Variants in GPC5 observed in about 807,000 individuals in gnomAD.
GPC5 encodes glypican-5.
Under a neutral mutation model 53.9 loss-of-function variants are expected in GPC5, and 47 were observed. That is an observed-to-expected ratio of 0.87 (90% CI 0.69 to 1.11). The LOEUF (loss-of-function observed/expected upper bound fraction) is 1.11. GPC5 is among the 50% of genes most tolerant of loss of function. The probability of loss-of-function intolerance (pLI) is 0.00; values close to 1 mark genes in which losing one functional copy is unlikely to be tolerated. For missense variants in GPC5, 748 were observed against 713.1 expected, an observed-to-expected ratio of 1.05 and a Z score of -0.56; for synonymous variants, 286 against 263.3, an observed-to-expected ratio of 1.09 and a Z score of -0.84.
intron 5 of GPC5, among the ~76,000 whole-genome samples, chr13:91,758,679 T>A (rs994165663): frequency 2.4e-4 from 36 of 152,144 alleles, no homozygotes; most frequent in African/African-American, 8.2e-4. Context: ...ATGAAAACCG[T>A]CCACATTTCT....
chr13:92,748,676 A>C (rs1889303132), intron 7 of GPC5, among the ~76,000 whole-genome samples: 1 of 152,062 alleles, frequency 6.6e-6, no homozygotes, highest in Admixed American at 6.6e-5. Flanking sequence ...AACATATACA[A>C]ATAGTTGTTT....
intron 2 of GPC5, among the ~76,000 whole-genome samples, chr13:91,611,265 T>G (rs1008109377): frequency 6.6e-6 from 1 of 152,234 alleles, no homozygotes; most frequent in Admixed American, 6.5e-5. Flanking sequence ...AAACATCTTT[T>G]CTGTATGAAT....
intron 7 of GPC5, among the ~76,000 whole-genome samples, chr13:92,801,807 A>C (rs1876918265): frequency 6.6e-6 from 1 of 151,766 alleles, no homozygotes; most frequent in Non-Finnish European, 1.5e-5. Context: ...TTAATAGAAA[A>C]AATTTCATTG....
intron 6 of GPC5, among the ~76,000 whole-genome samples, chr13:92,034,496 C>T (rs2040877822): frequency 1.3e-5 from 2 of 151,798 alleles, no homozygotes; most frequent in African/African-American, 4.8e-5. Context: ...GAAACTCCAT[C>T]TCAAAATAAA....
chr13:91,803,249 T>C (rs1315049497), intron 5 of GPC5, among the ~76,000 whole-genome samples: 1 of 152,182 alleles, frequency 6.6e-6, no homozygotes, highest in Non-Finnish European at 1.5e-5. Flanking sequence ...ATTTCTAAAA[T>C]GAAAATAGTT....
At chr13:91,728,337 C>G (rs942536132) in intron 3 of GPC5, among the ~76,000 whole-genome samples, 195 bp from the exon 4 acceptor site, 10 of 152,066 alleles carry the variant, frequency 6.6e-5, no homozygotes, top group Non-Finnish European at 1.3e-4. Context: ...ATCCATTTAT[C>G]ATAATTGCCG....
chr13:92,166,505 AC>A (rs1412324204), intron 7 of GPC5, among the ~76,000 whole-genome samples: 1 of 151,854 alleles, frequency 6.6e-6, no homozygotes, highest in African/African-American at 2.4e-5. Flanking sequence ...TAGTACATAA[AC>A]CCATCAGATA....
rs1338263577 is a variant in GPC5 at position 92,073,781 on chromosome 13, G to A, written c.1402-71049G>A. On this transcript the variant is annotated intron_variant, in intron 6 of 7. Transcript: ENST00000377067. Reference sequence around the variant, plus strand: ...GTCAGTTGTAGCCCTGTATGGTTTCGCTGTGTCCCCACCTAAATCGCATCT... The same window carrying A: ...GTCAGTTGTAGCCCTGTATGGTTTCACTGTGTCCCCACCTAAATCGCATCT... 4.6e-5 allele frequency among the ~76,000 whole-genome samples: 7 copies of A among 152,066 alleles called. No individual in the cohort carries two copies. In the East Asian group the frequency reaches 9.6e-4, roughly 21 times the overall value.
At chr13:92,033,689 T>C (rs1317571443) in intron 6 of GPC5, among the ~76,000 whole-genome samples, 1 of 152,226 alleles carries the variant, frequency 6.6e-6, no homozygotes, top group Admixed American at 6.5e-5. Flanking sequence ...AGAGTAAATT[T>C]AATTAAGTTA....
chr13:91,863,414 AATAG>A (rs992812267), intron 5 of GPC5, among the ~76,000 whole-genome samples: 1 of 152,168 alleles, frequency 6.6e-6, no homozygotes, highest in Non-Finnish European at 1.5e-5. Context: ...TATTCCCTCA[AATAG>A]ATAGTTTTAT....
At chr13:91,571,825 A>ATATACACACACATATACGTGTGTGTGTG (rs1566515529) in intron 2 of GPC5, among the ~76,000 whole-genome samples, 12 of 81,060 alleles carry the variant, frequency 1.5e-4, no homozygotes, top group Admixed American at 7.9e-4. Context: ...GTGTGTGTAT[A>ATATACACACACATATACGTGTGTGTGTG]TATACACATA....
At chr13:91,728,755 A>C in intron 4 of GPC5, 90 bp downstream of exon 4, 1 of 1,258,798 alleles carries the variant, frequency 7.9e-7, no homozygotes, top group South Asian at 2.1e-5. Context: ...AAATCGAATA[A>C]AATTCAATAT....
At chr13:92,105,852 A>C (rs2041505274) in intron 6 of GPC5, among the ~76,000 whole-genome samples, 1 of 152,024 alleles carries the variant, frequency 6.6e-6, no homozygotes, top group African/African-American at 2.4e-5. Context: ...CATTTTTAGC[A>C]CCCCAGAAAA....
chr13:91,554,180 T>A (rs539764609), intron 2 of GPC5, among the ~76,000 whole-genome samples: 1 of 152,072 alleles, frequency 6.6e-6, no homozygotes, highest in South Asian at 2.1e-4. Context: ...GCATTTAAAC[T>A]TTTTCTACAC....
chr13:92,819,735 C>T (rs997594278), intron 7 of GPC5, among the ~76,000 whole-genome samples: 1 of 152,040 alleles, frequency 6.6e-6, no homozygotes, highest in Non-Finnish European at 1.5e-5. Context: ...CAATTCAGAA[C>T]ATGTGGTACA....
chr13:91,704,812 C>T (rs920873438), intron 3 of GPC5, among the ~76,000 whole-genome samples: 1 of 152,214 alleles, frequency 6.6e-6, no homozygotes, highest in African/African-American at 2.4e-5. Context: ...TCCTAATTGA[C>T]TCAGTAAATA....
chr13:92,662,859 T>A lies in GPC5; in HGVS notation c.1562-203423T>A, dbSNP rs112062604. Among the ~76,000 whole-genome samples the A allele has an allele frequency of 7.9e-4, 121 of 152,308 alleles. 1 individual carries two copies. The highest frequency in any genetic ancestry group is 2.6e-3 in the African/African-American group (107 of 41,576). The stretch of plus-strand genomic sequence containing the variant: ...ATGGCAATCACACTCTTGCCTGACT[T>A]CCTTCTCTTCCTTGCCCTGCTCCAC... On this transcript the variant is annotated intron_variant, in intron 7 of 7. Transcript: ENST00000377067.
intron 5 of GPC5, among the ~76,000 whole-genome samples, chr13:91,795,962 G>A (rs570900250): frequency 2.0e-5 from 3 of 152,302 alleles, no homozygotes; most frequent in African/African-American, 7.2e-5. Context: ...GGGAGAAGAA[G>A]TAAATGCCTT....
At chr13:92,489,013 A>G (rs956770033) in intron 7 of GPC5, among the ~76,000 whole-genome samples, 1 of 152,210 alleles carries the variant, frequency 6.6e-6, no homozygotes, top group Non-Finnish European at 1.5e-5. Flanking sequence ...TCATATAAAT[A>G]TTAATATATC....
Sources: gnomAD v4.1 joint callset for allele counts (sites outside exome capture counted in the v4.1 genomes callset) on GRCh38, gnomAD v4.1.1 for gene constraint, MANE v1.5 for transcripts, NCBI Gene and HGNC (gene_info 2026-07-23, HGNC 2026-07-21) for gene names.